The following INTU variants were observed in gnomAD, a reference collection of about 807,000 sequenced individuals.
The protein encoded by INTU is inturned planar cell polarity protein.
INTU carries 68 observed loss-of-function variants against 100.5 expected under a neutral mutation model. The observed-to-expected ratio is 0.68, with a 90% CI of 0.56 to 0.83. The LOEUF (loss-of-function observed/expected upper bound fraction) is 0.83. Among genes scored for constraint, INTU ranks in the 40% least tolerant of loss-of-function variants. The pLI, the probability that INTU is intolerant of heterozygous loss-of-function variation, is 0.00. For synonymous variants in INTU, 357 were observed against 395.7 expected (o/e 0.90, Z 1.16); for missense variants, 1,071 against 1,114.7 (o/e 0.96, Z 0.56).
At chr4:127,682,338 A>C (rs972718824) in intron 6 of INTU, among the ~76,000 whole-genome samples, 22 of 152,102 alleles carry the variant, frequency 1.4e-4, no homozygotes, top group African/African-American at 5.3e-4. Context: ...ACAATAGCAA[A>C]GACTTGGAAC....
chr4:127,681,222 T>A (rs1362112721), intron 6 of INTU, among the ~76,000 whole-genome samples: 1 of 152,188 alleles, frequency 6.6e-6, no homozygotes, highest in African/African-American at 2.4e-5. Context: ...AAGCTACCAA[T>A]GACTTTCTTC....
chr4:127,718,862 TA>T lies in INTU; in HGVS notation c.*2427del, dbSNP rs1731306330. On this transcript the variant is annotated 3_prime_UTR_variant, in exon 16 of 16. Coordinates refer to ENST00000335251, the MANE Select transcript of INTU (RefSeq NM_015693.4). ...ATCTTGAGACTTTGCTGAAGTTGCT[TA>T]TCAGCTTAAGAAGCTTTTGGGCTGA... 6.6e-6 allele frequency: 1 copy of T among 152,252 alleles called. No homozygotes were observed. The highest frequency in any genetic ancestry group is 2.1e-4 in the South Asian group (1 of 4,828). The allele number at this position is 152,252 out of a possible 1,614,324, so 9.4% of individuals were successfully genotyped here. A position where few individuals can be genotyped will look rare whatever the true frequency, so the allele number is the denominator to read the frequency against.
chr4:127,639,355 T>G (rs1727209866), intron 1 of INTU, among the ~76,000 whole-genome samples: 1 of 152,152 alleles, frequency 6.6e-6, no homozygotes, highest in Non-Finnish European at 1.5e-5. Flanking sequence ...TCTTTCTCTT[T>G]CCATACTCTG....
rs1247566360 is a variant in INTU at position 127,718,594 on chromosome 4, T to C, written c.*2158T>C. The C allele has an allele frequency of 6.6e-6, 1 of 152,234 alleles. No individual in the cohort carries two copies. Among genetic ancestry groups the C allele is most frequent in the African/African-American group, 2.4e-5 (1 of 41,460 alleles). The allele number at this position is 152,234 out of a possible 1,614,324, so 9.4% of individuals were successfully genotyped here. On this transcript the variant is annotated 3_prime_UTR_variant, in exon 16 of 16. Transcript: ENST00000335251. Reference sequence around the variant, plus strand: ...TTGGGCAGTATGGCTATTTTCATGATATTGATTCTTACTGTCTGTGAGCAT... The same window carrying C: ...TTGGGCAGTATGGCTATTTTCATGACATTGATTCTTACTGTCTGTGAGCAT...
At chr4:127,672,576 G>A (rs543541972) in intron 5 of INTU, among the ~76,000 whole-genome samples, 4 of 151,120 alleles carry the variant, frequency 2.6e-5, no homozygotes, top group Non-Finnish European at 5.9e-5. Context: ...ATTGTGGAAA[G>A]CAGTAAATAC....
chr4:127,664,924 AC>A lies in INTU; in HGVS notation c.972+1342del, dbSNP rs568227566. Among the ~76,000 whole-genome samples, 394 of 151,890 alleles carry A rather than the reference AC, an allele frequency of 2.6e-3. 3 individuals carry two copies. The highest frequency in any genetic ancestry group is 8.6e-3 in the African/African-American group (355 of 41,506). ...CTGCTTTTTCTGTGATATTTTTCTTACCTATTTTTCGTTGCTTGTATCATTA... is the reference window on the plus strand; with the variant it reads ...CTGCTTTTTCTGTGATATTTTTCTTACTATTTTTCGTTGCTTGTATCATTA... On this transcript the variant is annotated intron_variant, in intron 4 of 15. Coordinates refer to ENST00000335251, the MANE Select transcript of INTU (RefSeq NM_015693.4).
At chr4:127,669,228 A>G in intron 5 of INTU, 74 bp downstream of exon 5, 1 of 689,402 alleles carries the variant, frequency 1.5e-6, no homozygotes, top group East Asian at 2.6e-5. Context: ...ATGCTAAAAC[A>G]AGTATCTGGT....
At chr4:127,696,270 G>A (rs903969792) in intron 8 of INTU, among the ~76,000 whole-genome samples, 3 of 152,078 alleles carry the variant, frequency 2.0e-5, no homozygotes, top group African/African-American at 7.2e-5. Flanking sequence ...AGAGAGAATT[G>A]GTATAATTTC....
intron 2 of INTU, among the ~76,000 whole-genome samples, chr4:127,645,747 A>G (rs1205666065): frequency 6.6e-6 from 1 of 151,854 alleles, no homozygotes; most frequent in East Asian, 2.0e-4. Context: ...ATTTTTTAGT[A>G]GAGATGGAGT....
intron 8 of INTU, among the ~76,000 whole-genome samples, chr4:127,693,202 C>T (rs533090282): frequency 6.6e-6 from 1 of 152,220 alleles, no homozygotes; most frequent in South Asian, 2.1e-4. Flanking sequence ...TGATTCTACC[C>T]ATCCATGGGC....
At position 127,687,909 on chromosome 4, in the gene INTU, T is replaced by G. The variant is rs754217130; in HGVS notation, c.1449+42T>G. The G allele has an allele frequency of 9.8e-6, 13 of 1,328,530 alleles. No homozygotes were observed. In the Admixed American group the frequency reaches 2.1e-4, roughly 21 times the overall value. The allele number at this position is 1,328,530 out of a possible 1,614,324, so 82.3% of individuals were successfully genotyped here. On this transcript the variant is annotated intron_variant, in intron 8 of 15. Transcript: ENST00000335251. Reference sequence around the variant, plus strand: ...TAAAGCAGAAGCAGAACCAGGTGCCTTATTATAATCTTGTATCTTCTCTTT... The same window carrying G: ...TAAAGCAGAAGCAGAACCAGGTGCCGTATTATAATCTTGTATCTTCTCTTT...
chr4:127,662,454 G>A (rs1395832665), intron 3 of INTU, among the ~76,000 whole-genome samples: 1 of 152,122 alleles, frequency 6.6e-6, no homozygotes, highest in African/African-American at 2.4e-5. Flanking sequence ...TGTACGGTGA[G>A]AGACAGAGTT....
chr4:127,676,602 AGAG>A (rs1729201221), intron 6 of INTU, among the ~76,000 whole-genome samples: 3 of 83,926 alleles, frequency 3.6e-5, no homozygotes, highest in Admixed American at 1.2e-4. Context: ...AAAAAAAAAG[AGAG>A]AGAGAGGTGG....
chr4:127,675,900 G>C (rs1240764032), intron 6 of INTU: 2 of 316,134 alleles, frequency 6.3e-6, no homozygotes, highest in Non-Finnish European at 1.3e-5. Flanking sequence ...CATTCTGTTT[G>C]TTAGAATTGA....
intron 2 of INTU, among the ~76,000 whole-genome samples, chr4:127,646,198 A>AT (rs1321193179): frequency 6.6e-6 from 1 of 151,820 alleles, no homozygotes; most frequent in Admixed American, 6.6e-5. Flanking sequence ...AAAAAAAAAA[A>AT]AAATTGTTTG....
chr4:127,647,890 A>T lies in INTU; in HGVS notation c.682+3834A>T, dbSNP rs1346841043. ...ATATATAGTATAAACACAGCAGTAA[A>T]CAAACTTTTGCATATATATTTTCAT... On this transcript the variant is annotated intron_variant, in intron 2 of 15. Coordinates refer to ENST00000335251, the MANE Select transcript of INTU (RefSeq NM_015693.4). Among the ~76,000 whole-genome samples, 4 of 152,142 alleles carry T rather than the reference A, an allele frequency of 2.6e-5. No individual in the cohort carries two copies. In the East Asian group the frequency reaches 7.7e-4, roughly 29 times the overall value.
intron 2 of INTU, among the ~76,000 whole-genome samples, chr4:127,646,669 G>T (rs1156835701): frequency 6.6e-6 from 1 of 152,134 alleles, no homozygotes; most frequent in African/African-American, 2.4e-5. Flanking sequence ...AGACAGGAAA[G>T]GCAGGATAAA....
At chr4:127,645,321 C>T (rs1727526981) in intron 2 of INTU, among the ~76,000 whole-genome samples, 1 of 152,050 alleles carries the variant, frequency 6.6e-6, no homozygotes, top group South Asian at 2.1e-4. Context: ...GCCCTTAGAA[C>T]CCAGTCACCA....
chr4:127,658,151 C>T (rs1022929226), intron 3 of INTU, among the ~76,000 whole-genome samples: 4 of 152,204 alleles, frequency 2.6e-5, no homozygotes, highest in Non-Finnish European at 5.9e-5. Context: ...CAAGGTTTCC[C>T]TAATGCCCAT....
Sources: gnomAD v4.1 joint callset for allele counts (sites outside exome capture counted in the v4.1 genomes callset) on GRCh38, gnomAD v4.1.1 for gene constraint, MANE v1.5 for transcripts, NCBI Gene and HGNC (gene_info 2026-07-23, HGNC 2026-07-21) for gene names.